BRF1: variants seen among roughly 807,000 people sequenced by gnomAD.
The protein encoded by BRF1 is BRF1 general transcription factor IIIB subunit, also known as transcription factor IIIB 90 kDa subunit.
BRF1 carries 59 observed loss-of-function variants against 81.7 expected under a neutral mutation model. The observed-to-expected ratio is 0.72, with a 90% CI of 0.59 to 0.90. The LOEUF (loss-of-function observed/expected upper bound fraction) is 0.90. Among genes scored for constraint, BRF1 ranks in the 40% least tolerant of loss-of-function variants. BRF1 has a pLI of 0.00. For synonymous variants in BRF1, 491 were observed against 395.6 expected, an observed-to-expected ratio of 1.24 and a Z score of -2.86; for missense variants, 1,050 against 936.3, an observed-to-expected ratio of 1.12 and a Z score of -1.58.
chr14:105,214,247 C>A (rs1250727258), intron 15 of BRF1, among the ~76,000 whole-genome samples: 2 of 152,242 alleles, frequency 1.3e-5, no homozygotes, highest in Non-Finnish European at 2.9e-5. Context: ...CTGGGGCCCA[C>A]AGCCCACACT....
chr14:105,261,479 A>G (rs1481492810), intron 3 of BRF1, among the ~76,000 whole-genome samples: 1 of 152,224 alleles, frequency 6.6e-6, no homozygotes, highest in African/African-American at 2.4e-5. Flanking sequence ...AGGATGGGGA[A>G]ACTGAGGCTG....
intron 1 of BRF1, among the ~76,000 whole-genome samples, chr14:105,307,726 C>T (rs781015822): frequency 1.3e-5 from 2 of 152,256 alleles, no homozygotes; most frequent in Non-Finnish European, 2.9e-5. Flanking sequence ...TCTACTTCCT[C>T]ATCTGCATAA....
chr14:105,210,648 C>A lies in BRF1; in HGVS notation c.1997-60G>T. 6.3e-7 allele frequency: 1 copy of A among 1,580,674 alleles called. No homozygotes were observed. The highest frequency in any genetic ancestry group is 8.6e-7 in the Non-Finnish European group (1 of 1,160,870). ...CTGTGGGACCCAGGAGCCCAGACCC[C>A]CCAACCCGCCCTGTTCCTGGTGCCC... On this transcript the variant is annotated intron_variant, in intron 17 of 17. Transcript: ENST00000547530. The surrounding 1 kb of genome is among the most constrained non-coding windows in gnomAD (Gnocchi z 4.7).
chr14:105,286,068 G>A (rs1362954850), intron 2 of BRF1, among the ~76,000 whole-genome samples: 1 of 152,186 alleles, frequency 6.6e-6, no homozygotes, highest in Non-Finnish European at 1.5e-5. Flanking sequence ...TGGATCCTGT[G>A]GGATCCACTG....
chr14:105,314,909 G>A, intron 1 of BRF1: 1 of 1,005,428 alleles, frequency 9.9e-7, no homozygotes, highest in Non-Finnish European at 1.2e-6. Flanking sequence ...GGAGCGGCGG[G>A]GCCGGCGCCA....
intron 3 of BRF1, among the ~76,000 whole-genome samples, chr14:105,268,845 G>C (rs1332482477): frequency 6.6e-6 from 1 of 152,192 alleles, no homozygotes; most frequent in East Asian, 1.9e-4. Flanking sequence ...AAGGTGACGG[G>C]AGCTGTGCAG....
intron 17 of BRF1, 49 bp downstream of exon 17, chr14:105,211,073 G>A: frequency 6.2e-7 from 1 of 1,601,508 alleles, no homozygotes; most frequent in Non-Finnish European, 8.5e-7. Flanking sequence ...GGCAGTAGCT[G>A]ATGCCTTTAT....
intron 3 of BRF1, among the ~76,000 whole-genome samples, chr14:105,258,260 G>A (rs587736510): frequency 3.9e-5 from 6 of 152,304 alleles, no homozygotes; most frequent in African/African-American, 1.4e-4. Flanking sequence ...AGGCCGAGGT[G>A]GGTGGATCAC....
intron 1 of BRF1, among the ~76,000 whole-genome samples, chr14:105,307,872 T>C (rs752302169): frequency 6.6e-6 from 1 of 152,156 alleles, no homozygotes; most frequent in South Asian, 2.1e-4. Context: ...GAGGCTCCAG[T>C]CCACCTTCCA....
Position 105,211,193 on chromosome 14 carries a change from G to C in BRF1, c.1925C>G (p.Ala642Gly). 6.2e-7 allele frequency: 1 copy of C among 1,611,982 alleles called. No homozygotes were observed. The highest frequency in any genetic ancestry group is 1.1e-5 in the South Asian group (1 of 91,056). Residue 642 changes from alanine to glycine, a missense_variant, in exon 17 of 18, where the codon GCT (alanine) becomes GGT (glycine). This residue lies in a region of BRF1 where 1,043 missense variants were observed against 915.4 expected (regional missense o/e 1.14). Coordinates refer to ENST00000547530, the MANE Select transcript of BRF1 (RefSeq NM_001519.4). ...GPVSYHADEE[A>G]DEEEPDEEDG... ...CTCCTCGTCAGGCTCCTCCTCGTCA[G>C]CCTCCTCGTCGGCGTGGTATGACAC... is the stretch of plus-strand genomic sequence containing the variant.
At position 105,214,544 on chromosome 14, in the gene BRF1, C is replaced by A. The variant is rs587629981; in HGVS notation, c.1773-2380G>T. Among the ~76,000 whole-genome samples the A allele has an allele frequency of 8.7e-5, 8 of 91,438 alleles. No homozygotes were observed. In the South Asian group the frequency reaches 2.5e-3, roughly 29 times the overall value. The allele number at this position is 91,438 out of a possible 152,430, so 60.0% of individuals were successfully genotyped here. A position where few individuals can be genotyped will look rare whatever the true frequency, so the allele number is the denominator to read the frequency against. On this transcript the variant is annotated intron_variant, in intron 15 of 17. Coordinates refer to ENST00000547530, the MANE Select transcript of BRF1 (RefSeq NM_001519.4). ...CCCCTGCGTGGCTCAGCTGCCCACA[C>A]CCCTGAGTGGCCCAGCTCAGGTTCT...
At position 105,226,755 on chromosome 14, in the gene BRF1, G is replaced by GT; in HGVS notation, c.793dup (p.Thr265AsnfsTer4). ...ACTGGTGGGGGTGTCTTCAAATTCC[G>GT]TGAGCCTAAAATGGAGCCAGACATG... On this transcript the variant is annotated frameshift_variant, in exon 8 of 18. Coordinates refer to ENST00000547530, the MANE Select transcript of BRF1 (RefSeq NM_001519.4). LOFTEE classifies it high-confidence loss of function. 1 of 1,613,522 alleles carries GT rather than the reference G, an allele frequency of 6.2e-7. No homozygotes were observed. Among genetic ancestry groups the GT allele is most frequent in the South Asian group, 1.1e-5 (1 of 91,088 alleles).
intron 14 of BRF1, 96 bp downstream of exon 14, chr14:105,218,902 C>A: frequency 1.3e-6 from 2 of 1,560,818 alleles, no homozygotes; most frequent in Admixed American, 1.7e-5. Context: ...GGGCCTAGAC[C>A]CTCCTGTCAC....
chr14:105,287,143 G>A (rs1272560093), intron 1 of BRF1, among the ~76,000 whole-genome samples: 1 of 152,240 alleles, frequency 6.6e-6, no homozygotes, highest in Non-Finnish European at 1.5e-5. Context: ...TCTGCCAACT[G>A]ACAGCATGCC....
chr14:105,250,289 A>C (rs1477710865), intron 5 of BRF1: 1 of 1,613,058 alleles, frequency 6.2e-7, no homozygotes, highest in East Asian at 2.2e-5. Flanking sequence ...GCGCTGCGAC[A>C]GCATCCAGTT....
chr14:105,291,594 A>C (rs963469639), intron 1 of BRF1, among the ~76,000 whole-genome samples: 1 of 152,054 alleles, frequency 6.6e-6, no homozygotes, highest in Non-Finnish European at 1.5e-5. Context: ...AGGCAGGAGA[A>C]CTGCTTGAAC....
intron 1 of BRF1, among the ~76,000 whole-genome samples, chr14:105,308,080 G>C (rs2058242480): frequency 6.6e-6 from 1 of 152,156 alleles, no homozygotes; most frequent in Admixed American, 6.6e-5. Flanking sequence ...CTACTTGGGA[G>C]GCTGAGGCAG....
At chr14:105,254,556 C>G (rs986993778) in intron 4 of BRF1, among the ~76,000 whole-genome samples, 1 of 150,060 alleles carries the variant, frequency 6.7e-6, no homozygotes, top group Non-Finnish European at 1.5e-5. Context: ...CGCACCTGGC[C>G]GCAGTTTTTT....
chr14:105,280,779 A>T (rs1324275303), intron 2 of BRF1, among the ~76,000 whole-genome samples: 1 of 148,214 alleles, frequency 6.7e-6, no homozygotes, highest in Admixed American at 6.7e-5. Flanking sequence ...CGTGACCCTG[A>T]GCCTGGGTGT....
Sources: gnomAD v4.1 joint callset for allele counts (sites outside exome capture counted in the v4.1 genomes callset) on GRCh38, gnomAD v4.1.1 for gene constraint, gnomAD v4.1.1 regional missense constraint, Gnocchi (gnomAD v3.1) non-coding constraint, MANE v1.5 for transcripts, NCBI Gene and HGNC (gene_info 2026-07-23, HGNC 2026-07-21) for gene names.